The following EHF variants were observed in gnomAD, a reference collection of about 807,000 sequenced individuals.
The protein encoded by EHF is ESE3 transcription factor.
In EHF, 14 loss-of-function variants were observed where a neutral mutation model predicts 45.1. The ratio of observed to expected loss-of-function variants is 0.31; its 90% CI spans 0.21 to 0.49. EHF has a LOEUF of 0.49. EHF is among the 20% of genes least tolerant of loss of function. EHF has a pLI of 0.99. For missense variants in EHF, 282 were observed against 371.4 expected, an observed-to-expected ratio of 0.76 and a Z score of 1.98; for synonymous variants, 136 against 131.8, an observed-to-expected ratio of 1.03 and a Z score of -0.22.
chr11:34,644,977 C>T (rs1044370400), intron 2 of EHF, among the ~76,000 whole-genome samples: 1 of 152,220 alleles, frequency 6.6e-6, no homozygotes, highest in Non-Finnish European at 1.5e-5. Flanking sequence ...TTTTCTTCTA[C>T]TGGTCCACCC....
At chr11:34,650,508 A>G (rs1213483825) in intron 4 of EHF, among the ~76,000 whole-genome samples, 1 of 152,220 alleles carries the variant, frequency 6.6e-6, no homozygotes, top group Admixed American at 6.5e-5. Context: ...CAGGTTTTGT[A>G]TCATTTGTGC....
chr11:34,646,732 G>A (rs1854587987), intron 3 of EHF, 48 bp downstream of exon 3: 2 of 1,597,428 alleles, frequency 1.3e-6, no homozygotes, highest in African/African-American at 1.3e-5. Flanking sequence ...GGAGCCAGCT[G>A]GAAGAATAGA....
chr11:34,635,701 CTTTTTT>C (rs11381442), intron 1 of EHF, among the ~76,000 whole-genome samples: 1 of 124,174 alleles, frequency 8.1e-6, no homozygotes, highest in South Asian at 2.6e-4. Context: ...TCTTCCTGGT[CTTTTTT>C]TTTTTTTTTT....
intron 6 of EHF, among the ~76,000 whole-genome samples, chr11:34,653,140 ACATCCTTC>A (rs11274412): frequency 0.064 from 9,478 of 148,386 alleles, 1,036 homozygotes; most frequent in African/African-American, 0.23. Flanking sequence ...GTCATCTCCC[ACATCCTTC>A]CATCCTTCCA....
At chr11:34,643,130 G>A (rs1406277323) in intron 2 of EHF, among the ~76,000 whole-genome samples, 1 of 151,388 alleles carries the variant, frequency 6.6e-6, no homozygotes, top group Admixed American at 6.6e-5. Flanking sequence ...GGAAGGAGAG[G>A]GTTATAGCAG....
chr11:34,651,042 T>A (rs147292809), intron 4 of EHF, among the ~76,000 whole-genome samples: 2 of 152,130 alleles, frequency 1.3e-5, no homozygotes, highest in East Asian at 3.9e-4. Context: ...ATCTCTGGAT[T>A]TCAGCAAGGA....
At chr11:34,624,492 G>C (rs1565019599) in intron 1 of EHF, among the ~76,000 whole-genome samples, 1 of 152,102 alleles carries the variant, frequency 6.6e-6, no homozygotes, top group Non-Finnish European at 1.5e-5. Flanking sequence ...TAAAATAATA[G>C]ATTTGTTCTA....
chr11:34,648,688 A>C (rs1394333330), intron 3 of EHF, among the ~76,000 whole-genome samples: 1 of 152,246 alleles, frequency 6.6e-6, no homozygotes, highest in Non-Finnish European at 1.5e-5. Context: ...ACTGAGACCC[A>C]GAAAGGTAAA....
rs972256294 is a variant in EHF at position 34,661,483 on chromosome 11, A to G, written c.*2552A>G. ...AATGTGAAGAGTACCAACTACAACA[A>G]TTCTACAGATAATTAGTGGATTGTG... On this transcript the variant is annotated 3_prime_UTR_variant, in exon 9 of 9. Coordinates refer to ENST00000257831, the MANE Select transcript of EHF (RefSeq NM_012153.6). Among the ~76,000 whole-genome samples, 1 of 152,162 alleles carries G rather than the reference A, an allele frequency of 6.6e-6. No individual in the cohort carries two copies. The highest frequency in any genetic ancestry group is 2.4e-5 in the African/African-American group (1 of 41,434).
chr11:34,638,656 C>T (rs1274434777), intron 1 of EHF, among the ~76,000 whole-genome samples: 2 of 152,246 alleles, frequency 1.3e-5, no homozygotes, highest in East Asian at 1.9e-4. Context: ...GGTGCTGCTA[C>T]ACATCTTACA....
At chr11:34,630,887 C>A (rs79808117) in intron 1 of EHF, among the ~76,000 whole-genome samples, 2,193 of 152,210 alleles carry the variant, frequency 0.014, 59 homozygotes, top group African/African-American at 0.05. Flanking sequence ...AGCCCCCCTC[C>A]CCCATGAAGC....
chr11:34,650,952 T>C (rs1855096899), intron 4 of EHF, among the ~76,000 whole-genome samples: 1 of 152,112 alleles, frequency 6.6e-6, no homozygotes, highest in South Asian at 2.1e-4. Context: ...CTTGGTTTTG[T>C]TTTGAGAATT....
chr11:34,635,989 G>A (rs1853366929), intron 1 of EHF, among the ~76,000 whole-genome samples: 1 of 152,098 alleles, frequency 6.6e-6, no homozygotes, highest in Non-Finnish European at 1.5e-5. Context: ...ATAGGGAGTG[G>A]GGAGGCATGA....
At chr11:34,640,390 T>C (rs912796420) in intron 1 of EHF, among the ~76,000 whole-genome samples, 2 of 152,224 alleles carry the variant, frequency 1.3e-5, no homozygotes, top group Non-Finnish European at 2.9e-5. Context: ...CTGTCCTCCC[T>C]AAGCCTGGAA....
chr11:34,653,313 A>G (rs185331001), intron 6 of EHF, among the ~76,000 whole-genome samples: 42 of 152,256 alleles, frequency 2.8e-4, no homozygotes, highest in Admixed American at 5.9e-4. Flanking sequence ...AAAACATCAT[A>G]GTTACAGCTC....
At chr11:34,636,915 G>A (rs1467102536) in intron 1 of EHF, among the ~76,000 whole-genome samples, 1 of 151,566 alleles carries the variant, frequency 6.6e-6, no homozygotes, top group African/African-American at 2.4e-5. Flanking sequence ...TATAATCCCA[G>A]CTACTTGGGA....
intron 1 of EHF, among the ~76,000 whole-genome samples, chr11:34,624,756 G>C (rs992565518): frequency 4.6e-5 from 7 of 152,152 alleles, no homozygotes; most frequent in African/African-American, 4.8e-5. Context: ...TTCTTCAGAG[G>C]GGGGTGGAAA....
chr11:34,629,011 T>G (rs1487181336), intron 1 of EHF, among the ~76,000 whole-genome samples: 1 of 152,128 alleles, frequency 6.6e-6, no homozygotes, highest in African/African-American at 2.4e-5. Flanking sequence ...CTGCCTCTGG[T>G]TATGGTGAAA....
intron 1 of EHF, among the ~76,000 whole-genome samples, chr11:34,638,335 T>A (rs755908639): frequency 2.0e-5 from 3 of 152,234 alleles, no homozygotes; most frequent in Non-Finnish European, 1.5e-5. Flanking sequence ...GTGGCTCTGA[T>A]ACCCAGTGTA....
Sources: allele counts gnomAD v4.1 joint callset (sites outside exome capture counted in the v4.1 genomes callset), GRCh38; gene constraint gnomAD v4.1.1; transcripts MANE v1.5; gene names NCBI Gene and HGNC (gene_info 2026-07-23, HGNC 2026-07-21).